The following DNAH8 variants were observed in gnomAD, a reference collection of about 807,000 sequenced individuals.
DNAH8 encodes the protein axonemal beta dynein heavy chain 8.
In DNAH8, 382 loss-of-function variants were observed where a neutral mutation model predicts 562.1. The ratio of observed to expected loss-of-function variants is 0.68; its 90% confidence interval spans 0.63 to 0.74. The LOEUF (loss-of-function observed/expected upper bound fraction) is 0.74. DNAH8 is among the 30% of genes least tolerant of loss of function. The pLI is 0.00. For missense variants in DNAH8, 5,203 were observed against 5,620.4 expected (o/e 0.93, Z 2.37); for synonymous variants, 1,881 against 1,919.4 (o/e 0.98, Z 0.52).
intron 74 of DNAH8, among the ~76,000 whole-genome samples, chr6:38,926,530 T>G (rs1039854748): frequency 1.8e-4 from 28 of 152,262 alleles, no homozygotes; most frequent in African/African-American, 6.3e-4. Context: ...GATCCCTCAG[T>G]TCAAGACCAT....
intron 79 of DNAH8, among the ~76,000 whole-genome samples, chr6:38,941,502 AT>A (rs962377352): frequency 5.3e-5 from 8 of 152,052 alleles, no homozygotes; most frequent in African/African-American, 1.9e-4. Flanking sequence ...TGTGGTTCAT[AT>A]TTTTTTCACA....
intron 73 of DNAH8, among the ~76,000 whole-genome samples, chr6:38,925,383 G>A (rs142291232): frequency 3.3e-5 from 5 of 150,076 alleles, no homozygotes; most frequent in Admixed American, 6.7e-5. Flanking sequence ...TAGCCCAGAC[G>A]GAAGTGCAGT....
intron 47 of DNAH8, 90 bp downstream of exon 47, chr6:38,866,966 A>C: frequency 1.5e-6 from 1 of 685,606 alleles, no homozygotes. Flanking sequence ...TCAGTGAGTT[A>C]AAATCTCATT....
chr6:38,756,145 GC>G, intron 10 of DNAH8, 66 bp downstream of exon 10: 1 of 1,005,180 alleles, frequency 9.9e-7, no homozygotes. Flanking sequence ...TTCCTTCTGA[GC>G]CCTAGGAAGG....
intron 91 of DNAH8, among the ~76,000 whole-genome samples, chr6:39,016,967 C>T (rs1299698615): frequency 1.3e-5 from 2 of 152,194 alleles, no homozygotes; most frequent in Non-Finnish European, 2.9e-5. Flanking sequence ...CACCGTGGAG[C>T]TCATCTGGCA....
At chr6:38,907,780 A>G (rs1468266665) in intron 63 of DNAH8, among the ~76,000 whole-genome samples, 176 bp from the exon 64 acceptor site, 1 of 152,240 alleles carries the variant, frequency 6.6e-6, no homozygotes, top group Non-Finnish European at 1.5e-5. Context: ...TGAGCTGCTC[A>G]ATAAAAAGTT....
At chr6:38,718,223 T>C (rs34160964) in intron 1 of DNAH8, among the ~76,000 whole-genome samples, 69,067 of 151,982 alleles carry the variant, frequency 0.45, 16,041 homozygotes, top group Middle Eastern at 0.55. Flanking sequence ...AAACATGTTG[T>C]AGTGAACCAC....
intron 83 of DNAH8, 99 bp downstream of exon 83, chr6:38,971,764 T>C (rs1193529264): frequency 3.2e-6 from 3 of 934,186 alleles, no homozygotes; most frequent in Admixed American, 3.0e-5. Flanking sequence ...ATCCTGGTTT[T>C]TCCATTTTTG....
In DNAH8 at chr6:38,997,903, A is replaced by G. The variant is rs543516446; in HGVS notation, c.13214+7731A>G. On this transcript the variant is annotated intron_variant, in intron 88 of 92. Coordinates refer to ENST00000327475, the MANE Select transcript of DNAH8 (RefSeq NM_001206927.2). ...CTCCCGAATAGCTGGAACTACAGGC[A>G]TGTGCCACCAGGCCCGGCTAATATT... 6.6e-5 allele frequency among the ~76,000 whole-genome samples: 10 copies of G among 152,280 alleles called. No homozygotes were observed. In the South Asian group the frequency reaches 1.7e-3, roughly 25 times the overall value.
intron 86 of DNAH8, 32 bp downstream of exon 86, chr6:38,982,494 T>A (rs1243424051): frequency 9.0e-7 from 1 of 1,111,070 alleles, no homozygotes; most frequent in South Asian, 1.2e-5. Context: ...TTCCTGTTTT[T>A]ATTGCTCTTC....
At chr6:38,921,271 C>T in intron 70 of DNAH8, 98 bp from the exon 71 acceptor site, 1 of 1,396,754 alleles carries the variant, frequency 7.2e-7, no homozygotes. Context: ...CTCGAAAGTC[C>T]CGTCTAGTGC....
intron 76 of DNAH8, among the ~76,000 whole-genome samples, chr6:38,935,090 G>T (rs1485770923): frequency 1.3e-5 from 2 of 152,194 alleles, no homozygotes; most frequent in Admixed American, 1.3e-4. Flanking sequence ...AAATGGGTTT[G>T]TATTGGCAAT....
chr6:38,985,099 A>G (rs186007949), intron 87 of DNAH8, among the ~76,000 whole-genome samples: 68 of 152,344 alleles, frequency 4.5e-4, no homozygotes, highest in African/African-American at 1.6e-3. Context: ...ATTAGGATAG[A>G]CAATTGGAAA....
At chr6:38,934,309 C>T (rs2150583225) in intron 76 of DNAH8, among the ~76,000 whole-genome samples, 1 of 152,208 alleles carries the variant, frequency 6.6e-6, no homozygotes, top group Non-Finnish European at 1.5e-5. Flanking sequence ...GCCGAGATCA[C>T]ACCACTGTAT....
At chr6:38,736,615 A>G (rs1764109002) in intron 5 of DNAH8, among the ~76,000 whole-genome samples, 1 of 152,152 alleles carries the variant, frequency 6.6e-6, no homozygotes. Context: ...ATCAATTGAA[A>G]GGTCACGCAT....
chr6:38,895,695 A>G (rs1042747694), intron 59 of DNAH8, among the ~76,000 whole-genome samples: 13 of 152,138 alleles, frequency 8.5e-5, no homozygotes, highest in African/African-American at 3.1e-4. Context: ...TCCCTCTGTT[A>G]TATTGTCAAT....
At chr6:38,776,174 C>T (rs1017742447) in intron 13 of DNAH8, among the ~76,000 whole-genome samples, 2 of 151,228 alleles carry the variant, frequency 1.3e-5, no homozygotes, top group Non-Finnish European at 2.9e-5. Flanking sequence ...TAAAAGACAT[C>T]AGAGAGTAAC....
At chr6:38,832,088 C>G (rs180989092) in intron 30 of DNAH8, among the ~76,000 whole-genome samples, 1 of 152,284 alleles carries the variant, frequency 6.6e-6, no homozygotes, top group East Asian at 1.9e-4. Context: ...ATGGCCTGAA[C>G]TGGATCAACC....
chr6:39,005,976 G>A (rs1583553774), intron 88 of DNAH8, among the ~76,000 whole-genome samples: 1 of 152,378 alleles, frequency 6.6e-6, no homozygotes, highest in East Asian at 1.9e-4. Context: ...TAGAAAGTGG[G>A]CCACAAGCCA....
Sources: allele counts gnomAD v4.1 joint callset (sites outside exome capture counted in the v4.1 genomes callset), GRCh38; gene constraint gnomAD v4.1.1; transcripts MANE v1.5; gene names NCBI Gene and HGNC (gene_info 2026-07-23, HGNC 2026-07-21).